Variants in SVEP1 observed in about 807,000 individuals in gnomAD.
SVEP1 encodes sushi, von Willebrand factor type A, EGF and pentraxin domain containing 1.
A neutral mutation model predicts 367.3 loss-of-function variants in SVEP1; 164 were observed. The observed-to-expected ratio is 0.45, with a 90% CI of 0.39 to 0.51. The LOEUF (loss-of-function observed/expected upper bound fraction) is 0.51. SVEP1 is among the 20% of genes least tolerant of loss of function. SVEP1 has a pLI of 0.00. For synonymous variants in SVEP1, 1,666 were observed against 1,611.6 expected (o/e 1.03, Z -0.81); for missense variants, 4,117 against 4,425.3 (o/e 0.93, Z 1.98).
At chr9:110,468,853 T>A (rs2118661467) in intron 17 of SVEP1, 87 bp downstream of exon 17, 1 of 1,344,282 alleles carries the variant, frequency 7.4e-7, no homozygotes, top group East Asian at 2.4e-5. Flanking sequence ...GAGCCGAGTG[T>A]TGGGTGAAGA....
At chr9:110,390,239 G>GTATCTATATACT (rs1328210466) in intron 40 of SVEP1, among the ~76,000 whole-genome samples, 1 of 48,814 alleles carries the variant, frequency 2.0e-5, no homozygotes, top group Non-Finnish European at 4.2e-5. Context: ...ATATAAGTAT[G>GTATCTATATACT]TGTATATATA....
At chr9:110,425,936 T>G (rs1224575546) in intron 36 of SVEP1, among the ~76,000 whole-genome samples, 2 of 152,228 alleles carry the variant, frequency 1.3e-5, no homozygotes, top group African/African-American at 4.8e-5. Flanking sequence ...TTGTATATGG[T>G]GATCATGCAT....
chr9:110,493,862 T>C lies in SVEP1; in HGVS notation c.1800+2953A>G, dbSNP rs137893950. 2.1e-3 allele frequency among the ~76,000 whole-genome samples: 327 copies of C among 152,330 alleles called. 2 individuals carry two copies. The highest frequency in any genetic ancestry group is 7.5e-3 in the African/African-American group (313 of 41,590). On this transcript the variant is annotated intron_variant, in intron 8 of 47. Transcript: ENST00000374469. ...GAAAGTGTTAGTAGGGCTGAGTTCC[T>C]TTCTGGAGGCTCTGAGGGAGAATCT...
intron 1 of SVEP1, among the ~76,000 whole-genome samples, chr9:110,557,603 C>A (rs1588107928): frequency 6.6e-6 from 1 of 151,930 alleles, no homozygotes; most frequent in African/African-American, 2.4e-5. Context: ...TCAAAGAAGC[C>A]AGATAGAGTT....
intron 27 of SVEP1, among the ~76,000 whole-genome samples, chr9:110,439,268 G>C (rs10980388): frequency 0.46 from 70,419 of 151,996 alleles, 16,416 homozygotes; most frequent in African/African-American, 0.49. Context: ...TGCCATGTGA[G>C]GATACAGTGA....
At chr9:110,481,467 T>C (rs776267426) in intron 11 of SVEP1, 31 bp from the exon 12 acceptor site, 71 of 1,418,286 alleles carry the variant, frequency 5.0e-5, no homozygotes, top group Non-Finnish European at 6.4e-5. Context: ...TATTCATATA[T>C]AGTGGTACAA....
At chr9:110,404,888 C>T (rs1030641605) in intron 38 of SVEP1, among the ~76,000 whole-genome samples, 3 of 152,072 alleles carry the variant, frequency 2.0e-5, no homozygotes, top group Non-Finnish European at 2.9e-5. Context: ...TAGCTGGGCA[C>T]GGTGGCACAT....
At position 110,496,835 on chromosome 9, in the gene SVEP1, T is replaced by G. The variant is rs1020158738; in HGVS notation, c.1780A>C (p.Lys594Gln). Residue 594 changes from lysine to glutamine, a missense_variant, in exon 8 of 48, where the codon AAA becomes CAA. Lys to Gln is a moderately conservative substitution (Grantham distance 53, BLOSUM62 1). Around this residue, in one of 4 missense-constraint regions of SVEP1, gnomAD observed 2,174 missense variants for 2,494.3 expected, o/e 0.87. Transcript: ENST00000374469. ...CTTACCTTTTCACCAGAGTTGTCTT[T>G]AGCTGTTGGAATCTGCCAGGTAACA... ...ANVTWQIPTA[K>Q]DNSGEKVSVH... The G allele has an allele frequency of 6.4e-7, 1 of 1,556,356 alleles. No homozygotes were observed. Among genetic ancestry groups the G allele is most frequent in the African/African-American group, 1.4e-5 (1 of 73,576 alleles).
In SVEP1 at chr9:110,450,270, G is replaced by C. The variant is rs146983719; in HGVS notation, c.3902-10C>G. Reference sequence around the variant, plus strand: ...GTTTCACAATGCAGGCCTGAGGATGGAGAAGGAAGAGAAACAGCCCAAATG... The same window carrying C: ...GTTTCACAATGCAGGCCTGAGGATGCAGAAGGAAGAGAAACAGCCCAAATG... On this transcript the variant is annotated splice_polypyrimidine_tract_variant and intron_variant, in intron 23 of 47. Coordinates refer to ENST00000374469, the MANE Select transcript of SVEP1 (RefSeq NM_153366.4). The C allele has an allele frequency of 3.4e-4, 549 of 1,613,338 alleles. 4 individuals are homozygous for C. In the African/African-American group the frequency reaches 6.2e-3, roughly 18 times the overall value.
At chr9:110,369,777 TAGAG>T in intron 47 of SVEP1, 142 bp downstream of exon 47, 2 of 652,830 alleles carry the variant, frequency 3.1e-6, no homozygotes, top group Admixed American at 6.3e-5. Flanking sequence ...AATTCAAATT[TAGAG>T]AGCCTGTCTC....
intron 42 of SVEP1, among the ~76,000 whole-genome samples, chr9:110,386,784 C>T (rs960131993): frequency 1.3e-5 from 2 of 152,234 alleles, no homozygotes; most frequent in African/African-American, 4.8e-5. Context: ...TCCGCTGTTA[C>T]TACATTATGA....
chr9:110,566,430 G>A (rs1369172223), intron 1 of SVEP1, among the ~76,000 whole-genome samples: 4 of 152,102 alleles, frequency 2.6e-5, no homozygotes, highest in African/African-American at 9.7e-5. Flanking sequence ...TATGGGTAAA[G>A]TGCTTACAGT....
intron 29 of SVEP1, among the ~76,000 whole-genome samples, chr9:110,434,740 A>G (rs1249222051): frequency 6.8e-6 from 1 of 146,396 alleles, no homozygotes; most frequent in Non-Finnish European, 1.5e-5. Context: ...ATGTCAATGA[A>G]ATGTTCTTGT....
At chr9:110,497,516 TATC>T (rs756735550) in intron 7 of SVEP1, among the ~76,000 whole-genome samples, 20 of 152,234 alleles carry the variant, frequency 1.3e-4, no homozygotes, top group Non-Finnish European at 2.5e-4. Flanking sequence ...GTACCTGACA[TATC>T]ATAGGAGCTT....
At chr9:110,469,535 CTGCT>C (rs1411185069) in intron 16 of SVEP1, among the ~76,000 whole-genome samples, 1 of 152,208 alleles carries the variant, frequency 6.6e-6, no homozygotes, top group Non-Finnish European at 1.5e-5. Context: ...TTGAAACTGA[CTGCT>C]TGTCAGTTAG....
rs369816581 is a variant in SVEP1 at position 110,505,890 on chromosome 9, A to G, written c.1304-2673T>C. Among the ~76,000 whole-genome samples the G allele has an allele frequency of 2.0e-3, 297 of 151,710 alleles. 3 individuals carry two copies. In the Middle Eastern group the frequency reaches 0.024, roughly 12 times the overall value. ...ACATGCAGGTGTGTTACATAGGTAT[A>G]CACATGTTATGGTGGTTTGCTGTAC... is the stretch of plus-strand genomic sequence containing the variant. On this transcript the variant is annotated intron_variant, in intron 5 of 47. Transcript: ENST00000374469.
chr9:110,458,043 C>T (rs1828803719), intron 20 of SVEP1: 1 of 443,552 alleles, frequency 2.3e-6, no homozygotes, highest in Non-Finnish European at 4.4e-6. Flanking sequence ...TTTAAGGACT[C>T]ATACTTTTCC....
In SVEP1 at chr9:110,411,170, C is replaced by A; in HGVS notation, c.6541G>T (p.Glu2181Ter). Residue 2181 changes from glutamate (E) to a stop codon, truncating the protein, a stop_gained, in exon 37 of 48, where the codon GAA (glutamate) becomes TAA (stop). Transcript: ENST00000374469. LOFTEE classifies it high-confidence loss of function. ...SCNKGFYIKG[E>*]KKSTCEATGQ... ...GTGGCTTCGCAGGTGCTCTTCTTTT[C>A]CCCTTTGATGTAGAACCCCTTGTTG... 1 of 1,613,998 alleles carries A rather than the reference C, an allele frequency of 6.2e-7. No individual in the cohort carries two copies. The highest frequency in any genetic ancestry group is 8.5e-7 in the Non-Finnish European group (1 of 1,179,890).
chr9:110,395,687 G>T (rs1454471418), intron 40 of SVEP1, among the ~76,000 whole-genome samples: 2 of 150,724 alleles, frequency 1.3e-5, no homozygotes, highest in African/African-American at 2.4e-5. Context: ...AACAAAAAAA[G>T]GCAGGGGTTG....
Sources: allele counts gnomAD v4.1 joint callset (sites outside exome capture counted in the v4.1 genomes callset), GRCh38; gene constraint gnomAD v4.1.1; regional missense constraint gnomAD v4.1.1; transcripts MANE v1.5; gene names NCBI Gene and HGNC (gene_info 2026-07-23, HGNC 2026-07-21).